The following CCDC171 variants were observed in gnomAD, a reference collection of about 807,000 sequenced individuals.
CCDC171 encodes the protein coiled-coil domain-containing protein 171.
Under a neutral mutation model 168.2 loss-of-function variants are expected in CCDC171, and 177 were observed. The ratio of observed to expected loss-of-function variants is 1.05; its 90% CI spans 0.93 to 1.19. The LOEUF is 1.19. Ranked by LOEUF, CCDC171 falls within the 50% of genes most tolerant of loss-of-function variation. CCDC171 has a pLI of 0.00. For missense variants in CCDC171, 1,991 were observed against 1,539.0 expected (o/e 1.29, Z -4.91); for synonymous variants, 687 against 540.8 (o/e 1.27, Z -3.75).
At chr9:15,987,502 A>G (rs1832030149) in intron 3 of CCDC171, among the ~76,000 whole-genome samples, 1 of 152,264 alleles carries the variant, frequency 6.6e-6, no homozygotes, top group African/African-American at 2.4e-5. Context: ...TTAATTTAAA[A>G]ATGGACAGAG....
intron 6 of CCDC171, among the ~76,000 whole-genome samples, chr9:15,610,574 A>G (rs1472216478): frequency 6.7e-6 from 1 of 148,594 alleles, no homozygotes; most frequent in Non-Finnish European, 1.5e-5. Context: ...GTTGCAGTGA[A>G]CCGAGCTGGT....
chr9:15,734,793 T>G (rs749570811), intron 16 of CCDC171, among the ~76,000 whole-genome samples: 16 of 152,132 alleles, frequency 1.1e-4, no homozygotes, highest in Non-Finnish European at 1.8e-4. Context: ...TTACATTACT[T>G]AATACATTTT....
intron 23 of CCDC171, among the ~76,000 whole-genome samples, chr9:15,857,704 A>T (rs1244408263): frequency 6.6e-6 from 1 of 151,908 alleles, no homozygotes; most frequent in Non-Finnish European, 1.5e-5. Context: ...GATTACAGGC[A>T]TGAGCCACCG....
intron 25 of CCDC171, among the ~76,000 whole-genome samples, chr9:15,964,124 C>T (rs1241586876): frequency 3.3e-5 from 5 of 152,120 alleles, no homozygotes; most frequent in African/African-American, 1.2e-4. Flanking sequence ...CTTTATATTG[C>T]CCTATCAGAG....
intron 9 of CCDC171, among the ~76,000 whole-genome samples, chr9:15,670,852 A>G (rs1227662416): frequency 2.0e-5 from 3 of 152,124 alleles, no homozygotes; most frequent in Admixed American, 2.0e-4. Context: ...ATAAAGATTT[A>G]TGGAATTGGG....
At chr9:15,728,826 G>A (rs2053978793) in intron 15 of CCDC171, among the ~76,000 whole-genome samples, 2 of 151,892 alleles carry the variant, frequency 1.3e-5, no homozygotes, top group Non-Finnish European at 2.9e-5. Flanking sequence ...TAAGGGACAA[G>A]AAGAGAAAAA....
intron 6 of CCDC171, among the ~76,000 whole-genome samples, chr9:16,023,929 C>T (rs1207967859): frequency 6.8e-6 from 1 of 147,304 alleles, no homozygotes; most frequent in Non-Finnish European, 1.5e-5. Context: ...AGAATCTTGA[C>T]ATGGGGAGAT....
intron 4 of CCDC171, among the ~76,000 whole-genome samples, chr9:15,585,747 G>C (rs943137506): frequency 6.6e-6 from 1 of 152,112 alleles, no homozygotes; most frequent in African/African-American, 2.4e-5. Context: ...GGAGGTGGAG[G>C]CGGGTGGATC....
chr9:15,715,545 G>A (rs1351819111), intron 11 of CCDC171, among the ~76,000 whole-genome samples: 2 of 152,100 alleles, frequency 1.3e-5, no homozygotes, highest in Admixed American at 6.6e-5. Flanking sequence ...TCTACTACAA[G>A]ATAAAAAATC....
At chr9:15,592,627 G>T (rs1469291582) in intron 5 of CCDC171, among the ~76,000 whole-genome samples, 1 of 151,918 alleles carries the variant, frequency 6.6e-6, no homozygotes, top group Non-Finnish European at 1.5e-5. Flanking sequence ...ATGCAGAAGG[G>T]CTCCATTAGT....
chr9:15,977,208 C>A (rs548870401), downstream of CCDC171, among the ~76,000 whole-genome samples: 3 of 152,056 alleles, frequency 2.0e-5, no homozygotes, highest in Non-Finnish European at 2.9e-5. Flanking sequence ...ATTATGGATG[C>A]GTACATATTT....
chr9:16,095,259 G>T, the CCDC171 span, among the ~76,000 whole-genome samples: 1 of 152,168 alleles, frequency 6.6e-6, no homozygotes, highest in South Asian at 2.1e-4. Flanking sequence ...GCAAGGCAAG[G>T]ACACAATCGC....
At position 16,057,369 on chromosome 9, in the gene CCDC171, G is replaced by A. The variant is rs1471489033; in HGVS notation, n.90-3277G>A. ...GTTTCTGATAAACGGTAGTGGGAAGGGAACTTCCCCCAGGAACTGGAAAGA... is the reference window on the plus strand; with the variant it reads ...GTTTCTGATAAACGGTAGTGGGAAGAGAACTTCCCCCAGGAACTGGAAAGA... On this transcript the variant is annotated intron_variant and non_coding_transcript_variant, in intron 1 of 1. Transcript: ENST00000478913. Among the ~76,000 whole-genome samples, 3 of 152,202 alleles carry A rather than the reference G, an allele frequency of 2.0e-5. No individual in the cohort carries two copies. In the East Asian group the frequency reaches 5.8e-4, roughly 29 times the overall value.
chr9:15,598,951 A>G (rs1477479406), intron 6 of CCDC171, among the ~76,000 whole-genome samples: 2 of 152,050 alleles, frequency 1.3e-5, no homozygotes, highest in Admixed American at 1.3e-4. Context: ...AGTCTGTTTT[A>G]TCAGAGACTA....
chr9:15,740,431 T>C (rs2054793486), intron 16 of CCDC171, among the ~76,000 whole-genome samples: 1 of 151,666 alleles, frequency 6.6e-6, no homozygotes, highest in South Asian at 2.1e-4. Flanking sequence ...ATAGAGGTTT[T>C]TGTTTGTGTG....
chr9:16,085,465 G>T, the CCDC171 span, among the ~76,000 whole-genome samples: 1 of 152,192 alleles, frequency 6.6e-6, no homozygotes, highest in African/African-American at 2.4e-5. Context: ...CTGGCCTACA[G>T]CTCCAAGACA....
Position 15,636,785 on chromosome 9 carries a change from G to A in CCDC171, c.822+13372G>A, listed in dbSNP as rs1237497239. On this transcript the variant is annotated intron_variant, in intron 7 of 25. Transcript: ENST00000380701. ...AAAAAAAAAAAAGGTTTAGGATAGA[G>A]TTAATGTTCTGAATATTAGAATTTA... Among the ~76,000 whole-genome samples, 2 of 145,914 alleles carry A rather than the reference G, an allele frequency of 1.4e-5. 1 individual carries two copies. Among genetic ancestry groups the A allele is most frequent in the East Asian group, 4.2e-4 (2 of 4,746 alleles).
chr9:15,700,305 G>C (rs925189461), intron 11 of CCDC171, among the ~76,000 whole-genome samples: 6 of 152,228 alleles, frequency 3.9e-5, no homozygotes, highest in African/African-American at 1.4e-4. Context: ...CTCATTGCCC[G>C]GGGCTGGCAG....
chr9:15,676,934 A>G (rs2049618147), intron 9 of CCDC171, among the ~76,000 whole-genome samples: 1 of 152,244 alleles, frequency 6.6e-6, no homozygotes, highest in East Asian at 1.9e-4. Context: ...CTTATGTTAC[A>G]TTATTATACA....
Sources: gnomAD v4.1 joint callset for allele counts (sites outside exome capture counted in the v4.1 genomes callset) on GRCh38, gnomAD v4.1.1 for gene constraint, MANE v1.5 for transcripts, NCBI Gene and HGNC (gene_info 2026-07-23, HGNC 2026-07-21) for gene names.